Variants in KDM4C observed in about 807,000 individuals in gnomAD.
KDM4C encodes the protein lysine-specific demethylase 4C.
A neutral mutation model predicts 129.3 loss-of-function variants in KDM4C; 81 were observed. That is an observed-to-expected ratio of 0.63 (90% confidence interval 0.52 to 0.75). KDM4C has a LOEUF of 0.75. Among genes scored for constraint, KDM4C ranks in the 30% least tolerant of loss-of-function variants. KDM4C has a pLI of 0.00. For synonymous variants in KDM4C, 573 were observed against 456.1 expected (o/e 1.26, Z -3.26); for missense variants, 1,457 against 1,304.0 (o/e 1.12, Z -1.81).
At position 6,866,971 on chromosome 9, in the gene KDM4C, TTGTGTGTG is replaced by T. The variant is rs369963257; in HGVS notation, c.630-13019_630-13012del. 1.0e-2 allele frequency among the ~76,000 whole-genome samples: 1,256 copies of T among 126,184 alleles called. 23 individuals are homozygous for T. Among genetic ancestry groups the T allele is most frequent in the Middle Eastern group, 0.018 (4 of 222 alleles). The allele number at this position is 126,184 out of a possible 152,430, so 82.8% of individuals were successfully genotyped here. ...TATATGTGTATATAAAAATATATGT[TTGTGTGTG>T]TGTGTGTGTGTGTGTGTGTGTATAT... On this transcript the variant is annotated intron_variant, in intron 5 of 21. Coordinates refer to ENST00000381309, the MANE Select transcript of KDM4C (RefSeq NM_015061.6).
intron 8 of KDM4C, among the ~76,000 whole-genome samples, chr9:6,923,284 C>T (rs1821884847): frequency 6.6e-6 from 1 of 151,934 alleles, no homozygotes. Context: ...ACTGTTGCTG[C>T]ATGTGACCCT....
intron 17 of KDM4C, among the ~76,000 whole-genome samples, chr9:7,053,052 T>C (rs568587377): frequency 4.6e-5 from 7 of 152,222 alleles, no homozygotes; most frequent in Non-Finnish European, 8.8e-5. Flanking sequence ...GTTAGAGTTT[T>C]TCTGAATAAG....
At chr9:7,172,693 A>G (rs7048746) in intron 21 of KDM4C, among the ~76,000 whole-genome samples, 4,773 of 152,324 alleles carry the variant, frequency 0.031, 114 homozygotes, top group Non-Finnish European at 0.046. Flanking sequence ...GGCTGGAAAC[A>G]TGAACAGCTT....
intron 4 of KDM4C, among the ~76,000 whole-genome samples, chr9:6,842,491 C>A (rs997602355): frequency 1.3e-5 from 2 of 151,460 alleles, no homozygotes; most frequent in Admixed American, 1.3e-4. Flanking sequence ...CACACCACCA[C>A]GCCTGGCTAA....
At chr9:6,783,705 C>T (rs537392379) in intron 1 of KDM4C, among the ~76,000 whole-genome samples, 3 of 152,194 alleles carry the variant, frequency 2.0e-5, no homozygotes, top group Non-Finnish European at 2.9e-5. Context: ...AAAAGCTGTG[C>T]CTGGAGAGGC....
Position 6,990,433 on chromosome 9 carries a change from C to T in KDM4C, c.1695C>T (p.Asn565=). The T allele has an allele frequency of 6.2e-7, 1 of 1,610,840 alleles. No homozygotes were observed. The highest frequency in any genetic ancestry group is 8.5e-7 in the Non-Finnish European group (1 of 1,178,800). The change falls in exon 12 of 22, where the codon AAC becomes AAT. Residue 565 remains asparagine (N), a synonymous_variant. Coordinates refer to ENST00000381309, the MANE Select transcript of KDM4C (RefSeq NM_015061.6). ...ATAACTAGATAGCAGAGGGAGAGAACAAAACCTCTAAGAGTTGGCGCCATC... is the reference window on the plus strand; with the variant it reads ...ATAACTAGATAGCAGAGGGAGAGAATAAAACCTCTAAGAGTTGGCGCCATC... The part of the protein sequence containing the change: ...FKVPSIAEGE[N]KTSKSWRHPL...
chr9:6,969,978 A>G (rs548595617), intron 8 of KDM4C, among the ~76,000 whole-genome samples: 62 of 152,238 alleles, frequency 4.1e-4, no homozygotes, highest in East Asian at 1.2e-3. Flanking sequence ...ACACATTCCC[A>G]CTGTACCTCA....
At chr9:6,858,615 T>C (rs1483980085) in intron 5 of KDM4C, among the ~76,000 whole-genome samples, 2 of 152,090 alleles carry the variant, frequency 1.3e-5, no homozygotes, top group East Asian at 3.9e-4. Context: ...GTCTACTAAA[T>C]ATGAAAAGTT....
At chr9:7,129,363 TA>T (rs1232879773) in intron 19 of KDM4C, among the ~76,000 whole-genome samples, 1 of 152,196 alleles carries the variant, frequency 6.6e-6, no homozygotes, top group Admixed American at 6.5e-5. Flanking sequence ...AAAGTGACCT[TA>T]TTTGAAAGAT....
rs956447291 is a variant in KDM4C at position 6,758,301 on chromosome 9, G to A, written c.-18+98G>A. The A allele has an allele frequency of 4.1e-6, 3 of 731,084 alleles. No individual in the cohort carries two copies. The highest frequency in any genetic ancestry group is 1.3e-4 in the Admixed American group (2 of 15,930). The allele number at this position is 731,084 out of a possible 1,614,324, so 45.3% of individuals were successfully genotyped here. On this transcript the variant is annotated intron_variant, in intron 1 of 21. Coordinates refer to ENST00000381309, the MANE Select transcript of KDM4C (RefSeq NM_015061.6). This position sits in a 1 kb window ranked among gnomAD's most constrained non-coding sequence, Gnocchi z 4.6. ...CTCCGCGTGGGGCACGGGGGTGCGG[G>A]CGTCCGGGCGAGCGGCGACGCTGGG...
chr9:7,136,452 C>T (rs1235877755), intron 19 of KDM4C, among the ~76,000 whole-genome samples: 2 of 152,178 alleles, frequency 1.3e-5, no homozygotes, highest in Admixed American at 1.3e-4. Context: ...CCACCAGCAA[C>T]ATTTGAGGTT....
intron 1 of KDM4C, among the ~76,000 whole-genome samples, chr9:6,725,460 C>T (rs185245790): frequency 2.0e-5 from 3 of 152,028 alleles, no homozygotes; most frequent in East Asian, 1.9e-4. Flanking sequence ...TCTTCTCTGT[C>T]GTATGTCACA....
intron 2 of KDM4C, among the ~76,000 whole-genome samples, chr9:6,803,171 C>G (rs1299403446): frequency 6.6e-6 from 1 of 152,154 alleles, no homozygotes; most frequent in African/African-American, 2.4e-5. Flanking sequence ...GCCTCTTACA[C>G]CTGGGCAGTA....
intron 17 of KDM4C, among the ~76,000 whole-genome samples, chr9:7,081,196 A>G (rs1834485865): frequency 6.6e-6 from 1 of 152,158 alleles, no homozygotes; most frequent in Non-Finnish European, 1.5e-5. Flanking sequence ...CTGAAGTTTT[A>G]TTGTTCCATC....
chr9:7,076,443 G>C (rs904355290), intron 17 of KDM4C: 2 of 1,549,290 alleles, frequency 1.3e-6, no homozygotes, highest in Non-Finnish European at 1.7e-6. Context: ...GGGAAGGCTG[G>C]GAATCTAGAC....
intron 1 of KDM4C, among the ~76,000 whole-genome samples, chr9:6,790,654 CAAAAAAAAA>C (rs1186296239): frequency 5.1e-4 from 33 of 65,232 alleles, no homozygotes; most frequent in African/African-American, 6.0e-4. Context: ...TTAAATTCAG[CAAAAAAAAA>C]AAAAAAAAAA....
At chr9:7,102,098 TTGTGTGTGTATATA>T (rs1483645066) in intron 17 of KDM4C, among the ~76,000 whole-genome samples, 2 of 152,156 alleles carry the variant, frequency 1.3e-5, no homozygotes, top group Admixed American at 6.5e-5. Flanking sequence ...TTCTGTGTAT[TTGTGTGTGTATATA>T]TGTGTGTGAT....
chr9:7,088,023 T>A (rs1835341941), intron 17 of KDM4C, among the ~76,000 whole-genome samples: 1 of 152,248 alleles, frequency 6.6e-6, no homozygotes, highest in African/African-American at 2.4e-5. Flanking sequence ...TACAGATTTC[T>A]GGGCTCCCAC....
chr9:6,957,863 C>T (rs781259065), intron 8 of KDM4C, among the ~76,000 whole-genome samples: 21 of 152,106 alleles, frequency 1.4e-4, no homozygotes, highest in African/African-American at 2.4e-4. Context: ...ACCTCATGTT[C>T]ATGGACAATA....
Sources: allele counts gnomAD v4.1 joint callset (sites outside exome capture counted in the v4.1 genomes callset), GRCh38; gene constraint gnomAD v4.1.1; non-coding constraint Gnocchi (gnomAD v3.1); transcripts MANE v1.5; gene names NCBI Gene and HGNC (gene_info 2026-07-23, HGNC 2026-07-21).